DSTYK: variants seen among roughly 807,000 people sequenced by gnomAD.
The protein encoded by DSTYK is RIP-homologous kinase.
DSTYK carries 34 observed loss-of-function variants against 98.7 expected under a neutral mutation model. That is an observed-to-expected ratio of 0.34 (90% confidence interval 0.26 to 0.46). The LOEUF is 0.46. Ranked by LOEUF, DSTYK falls within the 20% of genes least tolerant of loss-of-function variation. The pLI, the probability that DSTYK is intolerant of heterozygous loss-of-function variation, is 1.00. For synonymous variants in DSTYK, 462 were observed against 457.3 expected (o/e 1.01, Z -0.13); for missense variants, 962 against 1,181.7 (o/e 0.81, Z 2.73).
At chr1:205,155,783 G>T (rs1319709868) in intron 10 of DSTYK, among the ~76,000 whole-genome samples, 2 of 152,192 alleles carry the variant, frequency 1.3e-5, no homozygotes, top group Non-Finnish European at 2.9e-5. Flanking sequence ...CAAGACAATG[G>T]TAAAATTTCT....
At chr1:205,176,473 T>A (rs2102427206) in intron 2 of DSTYK, among the ~76,000 whole-genome samples, 3 of 61,760 alleles carry the variant, frequency 4.9e-5, no homozygotes, top group South Asian at 1.5e-3. Context: ...TGAAACTCCC[T>A]CTTAAAAAAA....
At chr1:205,152,561 T>G (rs928849554) in intron 10 of DSTYK, among the ~76,000 whole-genome samples, 1 of 152,230 alleles carries the variant, frequency 6.6e-6, no homozygotes, top group Admixed American at 6.5e-5. Context: ...CTGTACTTCA[T>G]AAATCCTGCC....
intron 10 of DSTYK, among the ~76,000 whole-genome samples, chr1:205,155,992 A>G (rs575650781): frequency 1.3e-5 from 2 of 152,340 alleles, no homozygotes; most frequent in South Asian, 2.1e-4. Context: ...ATTGCTTCAG[A>G]GGGTGCAAGC....
intron 3 of DSTYK, among the ~76,000 whole-genome samples, chr1:205,166,432 C>A (rs554697373): frequency 6.6e-6 from 1 of 150,518 alleles, no homozygotes; most frequent in Non-Finnish European, 1.5e-5. Context: ...GCAGGAGGAT[C>A]GCTACAAGCC....
rs1343377194 is a variant in DSTYK at position 205,147,412 on chromosome 1, C to A, written c.*146G>T. The A allele has an allele frequency of 9.7e-6, 8 of 820,888 alleles. No homozygotes were observed. Among genetic ancestry groups the A allele is most frequent in the African/African-American group, 8.5e-5 (5 of 59,002 alleles). The allele number at this position is 820,888 out of a possible 1,614,324, so 50.9% of individuals were successfully genotyped here. On this transcript the variant is annotated 3_prime_UTR_variant, in exon 13 of 13. Transcript: ENST00000367162. ...AACTCTTCACTGTCCAGGAGTCATC[C>A]CTGCCTGGGAAGGTTCCAAGTTTCC...
At chr1:205,164,466 T>TA (rs954670279) in intron 3 of DSTYK, among the ~76,000 whole-genome samples, 1 of 40,138 alleles carries the variant, frequency 2.5e-5, no homozygotes. Context: ...TTTTGTTAGC[T>TA]TTTTTTTTTT....
chr1:205,162,453 A>G lies in DSTYK; in HGVS notation c.1642-241T>C, dbSNP rs140696109. Among the ~76,000 whole-genome samples the G allele has an allele frequency of 1.0e-3, 157 of 152,338 alleles. 1 individual carries two copies. In the East Asian group the frequency reaches 0.025, roughly 25 times the overall value. ...TGCTCACAAACCCTCAATATATTACATTCAGTGCCAGGGAGTGCCTGATAA... is the reference window on the plus strand; with the variant it reads ...TGCTCACAAACCCTCAATATATTACGTTCAGTGCCAGGGAGTGCCTGATAA... On this transcript the variant is annotated intron_variant, in intron 5 of 12. Transcript: ENST00000367162.
At chr1:205,206,656 CACTGCA>C (rs1423668168) in intron 1 of DSTYK, among the ~76,000 whole-genome samples, 1 of 149,976 alleles carries the variant, frequency 6.7e-6, no homozygotes, top group Non-Finnish European at 1.5e-5. Flanking sequence ...AATCTCGACT[CACTGCA>C]ACCTCCGCCT....
chr1:205,163,171 T>C (rs1657783369), intron 4 of DSTYK, among the ~76,000 whole-genome samples, 165 bp from the exon 5 acceptor site: 1 of 152,134 alleles, frequency 6.6e-6, no homozygotes, highest in African/African-American at 2.4e-5. Flanking sequence ...ATTTTGTGAC[T>C]ATCTAGCCCC....
At chr1:205,205,987 G>C (rs901214313) in intron 1 of DSTYK, among the ~76,000 whole-genome samples, 6 of 152,186 alleles carry the variant, frequency 3.9e-5, no homozygotes, top group Non-Finnish European at 7.3e-5. Context: ...ATATGGTTTA[G>C]ATTAGATTAT....
chr1:205,182,720 C>T (rs1023338114), intron 2 of DSTYK, among the ~76,000 whole-genome samples: 5 of 151,590 alleles, frequency 3.3e-5, no homozygotes, highest in Non-Finnish European at 7.4e-5. Flanking sequence ...GCAGGAGAAT[C>T]GCTTGAACCT....
chr1:205,186,978 T>G (rs1211063524), intron 2 of DSTYK, among the ~76,000 whole-genome samples: 3 of 152,202 alleles, frequency 2.0e-5, no homozygotes, highest in Non-Finnish European at 4.4e-5. Context: ...ACAAAATTCT[T>G]CACTTGGTCT....
Position 205,159,087 on chromosome 1 carries a change from A to AT in DSTYK, c.2238+459dup, listed in dbSNP as rs200440178. On this transcript the variant is annotated intron_variant, in intron 9 of 12. Coordinates refer to ENST00000367162, the MANE Select transcript of DSTYK (RefSeq NM_015375.3). ...AATAGGTTCTGATAAATCTTTAAAAATTTTTTTTTTTTATTTTTAGAGATA... is the reference window on the plus strand; with the variant it reads ...AATAGGTTCTGATAAATCTTTAAAAATTTTTTTTTTTTTATTTTTAGAGATA... 9.7e-4 allele frequency among the ~76,000 whole-genome samples: 146 copies of AT among 149,920 alleles called. 2 individuals carry two copies. The highest frequency in any genetic ancestry group is 1.7e-3 in the African/African-American group (70 of 40,828).
In DSTYK at chr1:205,178,048, G is replaced by A. The variant is rs534251776; in HGVS notation, c.655-8216C>T. Among the ~76,000 whole-genome samples, 7 of 152,136 alleles carry A rather than the reference G, an allele frequency of 4.6e-5. No homozygotes were observed. The South Asian group carries it at 1.5e-3, about 32-fold the overall frequency. On this transcript the variant is annotated intron_variant, in intron 2 of 12. Transcript: ENST00000367162. ...AGTAGTCAACATTGAATGGATACAA[G>A]CTCATCTCCCTACCTAGTAAAAGCA...
chr1:205,179,693 G>A (rs1658340876), intron 2 of DSTYK, among the ~76,000 whole-genome samples: 1 of 151,202 alleles, frequency 6.6e-6, no homozygotes, highest in African/African-American at 2.4e-5. Flanking sequence ...TCTGTATTAA[G>A]AAGTATATGC....
At chr1:205,152,587 T>C (rs1657437500) in intron 10 of DSTYK, among the ~76,000 whole-genome samples, 1 of 152,184 alleles carries the variant, frequency 6.6e-6, no homozygotes, top group African/African-American at 2.4e-5. Context: ...CCTTCCTGTC[T>C]CCAGGTTCAT....
At position 205,147,231 on chromosome 1, in the gene DSTYK, G is replaced by A. The variant is rs547296477; in HGVS notation, c.*327C>T. On this transcript the variant is annotated 3_prime_UTR_variant, in exon 13 of 13. Coordinates refer to ENST00000367162, the MANE Select transcript of DSTYK (RefSeq NM_015375.3). ...CTGCAGTGTCCCGCTTGCTGTCTTA[G>A]AAGTATATACAGTGAAAAGACAATG... 2.5e-4 allele frequency: 50 copies of A among 201,838 alleles called. No individual in the cohort carries two copies. The highest frequency in any genetic ancestry group is 1.1e-3 in the African/African-American group (48 of 43,774). 12.5% of individuals were successfully genotyped at this position (201,838 alleles called of 1,614,324 possible). A position where few individuals can be genotyped will look rare whatever the true frequency, so the allele number is the denominator to read the frequency against.
chr1:205,189,456 ATCCATCAT>A (rs2102454506), intron 1 of DSTYK, among the ~76,000 whole-genome samples: 1 of 152,356 alleles, frequency 6.6e-6, no homozygotes, highest in African/African-American at 2.4e-5. Context: ...AGCCAAACAC[ATCCATCAT>A]AACTGAAATT....
At chr1:205,196,132 A>AG (rs1188547281) in intron 1 of DSTYK, among the ~76,000 whole-genome samples, 8 of 152,256 alleles carry the variant, frequency 5.3e-5, no homozygotes, top group African/African-American at 1.9e-4. Flanking sequence ...ATGCATAAAA[A>AG]GTGATAGGAA....
Sources: allele counts gnomAD v4.1 joint callset (sites outside exome capture counted in the v4.1 genomes callset), GRCh38; gene constraint gnomAD v4.1.1; transcripts MANE v1.5; gene names NCBI Gene and HGNC (gene_info 2026-07-23, HGNC 2026-07-21).